The following LOXL2 variants were observed in gnomAD, a reference collection of about 807,000 sequenced individuals.
LOXL2 encodes the protein lysyl oxidase like 2.
A neutral mutation model predicts 93.0 loss-of-function variants in LOXL2; 70 were observed. The observed-to-expected ratio is 0.75, with a 90% confidence interval of 0.62 to 0.92. LOXL2 has a LOEUF of 0.92. Among genes scored for constraint, LOXL2 ranks in the 40% least tolerant of loss-of-function variants. LOXL2 has a pLI of 0.00. For synonymous variants in LOXL2, 438 were observed against 413.2 expected (o/e 1.06, Z -0.73); for missense variants, 973 against 1,054.9 (o/e 0.92, Z 1.08).
At chr8:23,388,416 A>G (rs901031194) in intron 1 of LOXL2, among the ~76,000 whole-genome samples, 3 of 151,846 alleles carry the variant, frequency 2.0e-5, no homozygotes, top group Admixed American at 6.6e-5. Flanking sequence ...TGTCTCTACA[A>G]AAAAATTTTT....
In LOXL2 at chr8:23,333,514, G is replaced by C; in HGVS notation, c.853C>G (p.Pro285Ala). The C allele has an allele frequency of 6.2e-7, 1 of 1,613,998 alleles. No individual in the cohort carries two copies. The highest frequency in any genetic ancestry group is 2.2e-5 in the East Asian group (1 of 44,890). The stretch of plus-strand genomic sequence containing the variant: ...TTCTCGCAGGTGACATTCTTCATGG[G>C]GTCCAGTGACACCTGGGGGCCCAGC... The part of the protein sequence containing the change: ...CKLGPQVSLD[P>A]MKNVTCENGL... Residue 285 changes from proline to alanine, a missense_variant, in exon 5 of 14, where the codon CCC becomes GCC. By Grantham distance (27) the Pro-to-Ala change is conservative. Transcript: ENST00000389131.
At chr8:23,341,258 G>C in intron 3 of LOXL2, 55 bp from the exon 4 acceptor site, 1 of 1,406,176 alleles carries the variant, frequency 7.1e-7, no homozygotes, top group Non-Finnish European at 1.0e-6. Context: ...TGGCTGCAGA[G>C]ACACCAGGCA....
intron 1 of LOXL2, among the ~76,000 whole-genome samples, chr8:23,373,502 G>GT (rs923946000): frequency 1.3e-5 from 2 of 152,142 alleles, no homozygotes; most frequent in Non-Finnish European, 2.9e-5. Context: ...GCCTAGCTAA[G>GT]TTTTTGGGTT....
intron 8 of LOXL2, among the ~76,000 whole-genome samples, chr8:23,317,491 T>C: frequency 6.6e-6 from 1 of 152,208 alleles, no homozygotes; most frequent in Middle Eastern, 3.2e-3. Context: ...TAAGCCCGAA[T>C]AGGATCTCAG....
chr8:23,297,934 G>A lies in LOXL2; in HGVS notation c.*109C>T. The A allele has an allele frequency of 1.2e-6, 1 of 844,840 alleles. No homozygotes were observed. The highest frequency in any genetic ancestry group is 1.9e-6 in the Non-Finnish European group (1 of 513,708). The allele number at this position is 844,840 out of a possible 1,614,324, so 52.3% of individuals were successfully genotyped here. A position where few individuals can be genotyped will look rare whatever the true frequency, so the allele number is the denominator to read the frequency against. On this transcript the variant is annotated 3_prime_UTR_variant, in exon 14 of 14. Coordinates refer to ENST00000389131, the MANE Select transcript of LOXL2 (RefSeq NM_002318.3). ...CTGTAGGGGTCTGGACAGGGTGGGG[G>A]CCGGGCTGGGTGAGGGCACGTGGCA... is the stretch of plus-strand genomic sequence containing the variant.
chr8:23,304,805 C>T (rs1803202983), intron 10 of LOXL2, among the ~76,000 whole-genome samples: 1 of 152,194 alleles, frequency 6.6e-6, no homozygotes, highest in Admixed American at 6.5e-5. Context: ...CTCCTCACTT[C>T]CCCAGCCCCC....
rs972158063 is a variant in LOXL2 at position 23,371,579 on chromosome 8, C to A, written c.-83-3145G>T. Among the ~76,000 whole-genome samples the A allele has an allele frequency of 3.3e-5, 5 of 151,498 alleles. No individual in the cohort carries two copies. The South Asian group carries it at 6.3e-4, about 19-fold the overall frequency. On this transcript the variant is annotated intron_variant, in intron 1 of 13. Coordinates refer to ENST00000389131, the MANE Select transcript of LOXL2 (RefSeq NM_002318.3). ...CATCCCGGCTAACACGGTGAAACCC[C>A]GTCTCTACTAAAAATACAAAAAATT...
chr8:23,331,667 G>A (rs929292731), intron 5 of LOXL2: 1 of 152,190 alleles, frequency 6.6e-6, no homozygotes, highest in Non-Finnish European at 1.5e-5. Flanking sequence ...AAAGAAAAGC[G>A]AATCAAGAAG....
intron 3 of LOXL2, among the ~76,000 whole-genome samples, chr8:23,348,352 C>T (rs1225585533): frequency 6.6e-6 from 1 of 151,758 alleles, no homozygotes; most frequent in Non-Finnish European, 1.5e-5. Flanking sequence ...ACATGTATAC[C>T]TATGTAACGG....
At chr8:23,374,870 A>C (rs1261161335) in intron 1 of LOXL2, among the ~76,000 whole-genome samples, 3 of 152,178 alleles carry the variant, frequency 2.0e-5, no homozygotes, top group African/African-American at 7.2e-5. Context: ...AGTAGATTGC[A>C]AAAATTTTCT....
chr8:23,328,931 T>G (rs1019666273), intron 5 of LOXL2: 4 of 201,052 alleles, frequency 2.0e-5, no homozygotes, highest in African/African-American at 4.6e-5. Flanking sequence ...CCCCACCAAC[T>G]CCAGAGCCTC....
intron 2 of LOXL2, 22 bp downstream of exon 2, chr8:23,367,975 A>G (rs1804432516): frequency 6.3e-7 from 1 of 1,591,346 alleles, no homozygotes; most frequent in Non-Finnish European, 8.6e-7. Context: ...CAGCACTCAG[A>G]TCCAAAGCAC....
At chr8:23,346,116 TTAAAATAAAATAAAATAAAATAAAATAAA>T (rs1585361778) in intron 3 of LOXL2, among the ~76,000 whole-genome samples, 1 of 23,796 alleles carries the variant, frequency 4.2e-5, no homozygotes, top group East Asian at 6.8e-4. Flanking sequence ...TAAAATAAAA[TTAAAATAAAATAAAATAAAATAAAATAAA>T]TAAAATAAAA....
At position 23,360,347 on chromosome 8, in the gene LOXL2, G is replaced by A. The variant is rs1032760020; in HGVS notation, c.356-82C>T. 7.5e-6 allele frequency: 8 copies of A among 1,069,954 alleles called. No individual in the cohort carries two copies. The Admixed American group carries it at 1.3e-4, about 18-fold the overall frequency. The allele number at this position is 1,069,954 out of a possible 1,614,324, so 66.3% of individuals were successfully genotyped here. ...TTGCGGGGCACCAGTGTCTCACATG[G>A]AAAGAGAATTTTTCTCTAATTTTGG... is the stretch of plus-strand genomic sequence containing the variant. On this transcript the variant is annotated intron_variant, in intron 2 of 13. Coordinates refer to ENST00000389131, the MANE Select transcript of LOXL2 (RefSeq NM_002318.3).
intron 3 of LOXL2, among the ~76,000 whole-genome samples, chr8:23,343,277 G>C (rs1045595535): frequency 6.6e-6 from 1 of 152,222 alleles, no homozygotes; most frequent in Non-Finnish European, 1.5e-5. Flanking sequence ...CCTATGTCAA[G>C]TGTCTTCCTT....
At chr8:23,331,286 T>TGCCTGGAC (rs1803671844) in intron 5 of LOXL2, among the ~76,000 whole-genome samples, 1 of 152,082 alleles carries the variant, frequency 6.6e-6, no homozygotes, top group Non-Finnish European at 1.5e-5. Context: ...CCTGCCTGGC[T>TGCCTGGAC]GCCTGGACCT....
At chr8:23,394,371 T>G (rs1425877732) in intron 1 of LOXL2, among the ~76,000 whole-genome samples, 1 of 136,068 alleles carries the variant, frequency 7.3e-6, no homozygotes, top group Non-Finnish European at 1.5e-5. Context: ...ATAGCCTAGG[T>G]GACAGAGTGA....
rs10503724 is a variant in LOXL2, at chr8:23,311,271, C to G, written c.1637-1360G>C. Reference sequence around the variant, plus strand: ...ATCCTCTAGAGAGCAGATCCACTCGCAAGAATTGGGTGTGGAACCAAAGGG... The same window carrying G: ...ATCCTCTAGAGAGCAGATCCACTCGGAAGAATTGGGTGTGGAACCAAAGGG... On this transcript the variant is annotated intron_variant, in intron 9 of 13. Coordinates refer to ENST00000389131, the MANE Select transcript of LOXL2 (RefSeq NM_002318.3). Among the ~76,000 whole-genome samples the G allele has an allele frequency of 9.2e-3, 1,394 of 152,244 alleles. 84 individuals are homozygous for G. The East Asian group carries it at 0.16, about 17-fold the overall frequency.
chr8:23,297,988 G>T lies in LOXL2; in HGVS notation c.*55C>A. 6.9e-7 allele frequency: 1 copy of T among 1,458,850 alleles called. No individual in the cohort carries two copies. Among genetic ancestry groups the T allele is most frequent in the Non-Finnish European group, 9.6e-7 (1 of 1,045,214 alleles). The allele number at this position is 1,458,850 out of a possible 1,614,324, so 90.4% of individuals were successfully genotyped here. A position where few individuals can be genotyped will look rare whatever the true frequency, so the allele number is the denominator to read the frequency against. On this transcript the variant is annotated 3_prime_UTR_variant, in exon 14 of 14. Coordinates refer to ENST00000389131, the MANE Select transcript of LOXL2 (RefSeq NM_002318.3). ...GTTCAGACTCAGTTGTTGGGGGGAA[G>T]TCCCATGGAAGATGTGGTGTGGCCT...
Sources: allele counts gnomAD v4.1 joint callset (sites outside exome capture counted in the v4.1 genomes callset), GRCh38; gene constraint gnomAD v4.1.1; transcripts MANE v1.5; gene names NCBI Gene and HGNC (gene_info 2026-07-23, HGNC 2026-07-21).